Variants in IGLL5 observed in about 807,000 individuals in gnomAD.
IGLL5 encodes immunoglobulin lambda like polypeptide 5, also known as immunoglobulin lambda-like polypeptide 5.
Under a neutral mutation model 20.9 loss-of-function variants are expected in IGLL5, and 30 were observed. The ratio of observed to expected loss-of-function variants is 1.44; its 90% CI spans 1.07 to 1.95. IGLL5 has a LOEUF of 1.95. Among genes scored for constraint, IGLL5 ranks in the 30% most tolerant of loss-of-function variants. IGLL5 has a pLI of 0.00. For missense variants in IGLL5, 475 were observed against 270.7 expected (o/e 1.75, Z -5.30); for synonymous variants, 203 against 117.3 (o/e 1.73, Z -4.72).
intron 2 of IGLL5, 106 bp from the exon 3 acceptor site, chr22:22,895,269 G>A: frequency 6.8e-6 from 7 of 1,033,536 alleles, no homozygotes; most frequent in Non-Finnish European, 1.0e-5. Context: ...GGGTGGACCG[G>A]ATGGCCACAC....
chr22:22,894,866 G>A (rs1229617715), intron 2 of IGLL5, among the ~76,000 whole-genome samples: 2 of 151,310 alleles, frequency 1.3e-5, no homozygotes, highest in African/African-American at 4.9e-5. Context: ...AGAGCCCGGT[G>A]CCTGTGAGGG....
At chr22:22,888,330 A>C in intron 1 of IGLL5, 71 bp downstream of exon 1, 2 of 1,446,226 alleles carry the variant, frequency 1.4e-6, no homozygotes, top group South Asian at 1.2e-5. Flanking sequence ...CCAAGGGGAG[A>C]CAAGCCAGAG....
chr22:22,893,959 A>AGGG, intron 2 of IGLL5, 141 bp downstream of exon 2: 1 of 699,222 alleles, frequency 1.4e-6, no homozygotes, highest in Non-Finnish European at 2.6e-6. Flanking sequence ...GGCCTGGAGG[A>AGGG]GGTGCATTAG....
intron 1 of IGLL5, among the ~76,000 whole-genome samples, chr22:22,891,129 G>GT (rs1339199397): frequency 2.7e-5 from 4 of 150,906 alleles, no homozygotes; most frequent in African/African-American, 7.3e-5. Context: ...TTTCTTTATG[G>GT]TTTCTGTGAC....
intron 2 of IGLL5, among the ~76,000 whole-genome samples, chr22:22,894,950 C>A (rs560420427): frequency 1.3e-5 from 2 of 151,418 alleles, no homozygotes; most frequent in African/African-American, 4.8e-5. Context: ...ACAGGATGAG[C>A]AGGGGACCCA....
At chr22:22,889,119 G>T (rs144631265) in intron 1 of IGLL5, among the ~76,000 whole-genome samples, 1 of 151,080 alleles carries the variant, frequency 6.6e-6, no homozygotes, top group Non-Finnish European at 1.5e-5. Context: ...GGAAAAATCA[G>T]CACCGGATTG....
chr22:22,890,553 TTGTGTGTGTGTGTGTG>T (rs3029157), intron 1 of IGLL5, among the ~76,000 whole-genome samples: 3,021 of 120,976 alleles, frequency 0.025, 105 homozygotes, highest in African/African-American at 0.072. Flanking sequence ...CAGTGGAAAT[TTGTGTGTGTGTGTGTG>T]TGTGTGTGTG....
intron 2 of IGLL5, among the ~76,000 whole-genome samples, chr22:22,894,268 C>A (rs185430807): frequency 1.3e-5 from 2 of 150,682 alleles, no homozygotes; most frequent in African/African-American, 2.4e-5. Context: ...GGACTGGATG[C>A]CAATCCAGCC....
chr22:22,889,446 T>G (rs1441555670), intron 1 of IGLL5, among the ~76,000 whole-genome samples: 1 of 150,948 alleles, frequency 6.6e-6, no homozygotes, highest in African/African-American at 2.4e-5. Context: ...ATCCTAAGGG[T>G]TGGTTGGGGG....
chr22:22,888,754 T>G (rs551495323), intron 1 of IGLL5, among the ~76,000 whole-genome samples: 4 of 151,246 alleles, frequency 2.6e-5, no homozygotes, highest in African/African-American at 7.3e-5. Flanking sequence ...TGCACATAAA[T>G]GCTTACTGGG....
intron 1 of IGLL5, among the ~76,000 whole-genome samples, chr22:22,888,469 T>A (rs1036441132): frequency 6.6e-6 from 1 of 151,356 alleles, no homozygotes; most frequent in Admixed American, 6.6e-5. Flanking sequence ...ATATTATTTT[T>A]CTTGATTTCT....
chr22:22,888,410 T>A (rs556134996), intron 1 of IGLL5, 151 bp downstream of exon 1: 1 of 190,854 alleles, frequency 5.2e-6, no homozygotes, highest in African/African-American at 2.4e-5. Context: ...GGTTGATATT[T>A]TGTCCATCAC....
chr22:22,894,215 G>T (rs546872501), intron 2 of IGLL5, among the ~76,000 whole-genome samples: 4 of 151,332 alleles, frequency 2.6e-5, no homozygotes, highest in South Asian at 2.1e-4. Context: ...GAGTCTCATA[G>T]TCTAGGGGAG....
At chr22:22,894,136 CTTAGGGACA>C in intron 2 of IGLL5, among the ~76,000 whole-genome samples, 1 of 151,512 alleles carries the variant, frequency 6.6e-6, no homozygotes, top group Non-Finnish European at 1.5e-5. Context: ...CTGCAGTGTC[CTTAGGGACA>C]TTGCCCAGTG....
chr22:22,894,002 G>C (rs1055165308), intron 2 of IGLL5, among the ~76,000 whole-genome samples, 184 bp downstream of exon 2: 8 of 151,518 alleles, frequency 5.3e-5, no homozygotes, highest in East Asian at 2.0e-4. Context: ...GGCCTCCACA[G>C]TGGGAGCAGC....
chr22:22,894,166 T>G (rs1038899496), intron 2 of IGLL5, among the ~76,000 whole-genome samples: 1 of 151,286 alleles, frequency 6.6e-6, no homozygotes, highest in African/African-American at 2.4e-5. Flanking sequence ...ACTCCTGGGG[T>G]CAAGGACAGA....
At chr22:22,888,730 T>G (rs550390377) in intron 1 of IGLL5, among the ~76,000 whole-genome samples, 1 of 151,396 alleles carries the variant, frequency 6.6e-6, no homozygotes, top group Non-Finnish European at 1.5e-5. Flanking sequence ...CCCAAGGCTG[T>G]CTGTTCACCA....
intron 2 of IGLL5, among the ~76,000 whole-genome samples, chr22:22,894,550 A>C (rs5759508): frequency 1.3e-5 from 2 of 151,390 alleles, no homozygotes; most frequent in Admixed American, 6.6e-5. Flanking sequence ...CTGTTCACGG[A>C]TCGGCCTCCT....
rs1569079088 is a variant in IGLL5 at position 22,888,261 on chromosome 22, TA to T, written c.206+4del. On this transcript the variant is annotated splice_donor_region_variant and intron_variant, in intron 1 of 2. Transcript: ENST00000526893. The stretch of plus-strand genomic sequence containing the variant: ...CAGCCTGCGGAGCCTGTGGGGCAGG[TA>T]AGGGGCAAGAGATTCCAGGGGATGT... 3.2e-6 allele frequency: 5 copies of T among 1,546,768 alleles called. No individual in the cohort carries two copies. In the Admixed American group the frequency reaches 5.9e-5, roughly 18 times the overall value.
Sources: gnomAD v4.1 joint callset for allele counts (sites outside exome capture counted in the v4.1 genomes callset) on GRCh38, gnomAD v4.1.1 for gene constraint, MANE v1.5 for transcripts, NCBI Gene and HGNC (gene_info 2026-07-23, HGNC 2026-07-21) for gene names.